DPYD: variants seen among roughly 807,000 people sequenced by gnomAD.
The protein encoded by DPYD is dihydropyrimidine dehydrogenase, also known as dihydropyrimidine dehydrogenase [NADP(+)].
DPYD carries 109 observed loss-of-function variants against 116.2 expected under a neutral mutation model. That is an observed-to-expected ratio of 0.94 (90% CI 0.80 to 1.10). The LOEUF (loss-of-function observed/expected upper bound fraction) is 1.10, where lower values mean the gene tolerates loss of function less well. Ranked by LOEUF, DPYD falls within the 50% of genes least tolerant of loss-of-function variation. The pLI is 0.00. For missense variants in DPYD, 1,302 were observed against 1,254.5 expected (o/e 1.04, Z -0.57); for synonymous variants, 440 against 432.0 (o/e 1.02, Z -0.23).
intron 20 of DPYD, among the ~76,000 whole-genome samples, chr1:97,149,200 A>G (rs1654845984): frequency 6.6e-6 from 1 of 152,222 alleles, no homozygotes; most frequent in African/African-American, 2.4e-5. Flanking sequence ...AGCCCATATT[A>G]CTGGCAATCT....
At position 97,751,460 on chromosome 1, in the gene DPYD, G is replaced by GTGTGTATATATATA. The variant is rs763260651; in HGVS notation, c.234-10982_234-10981insTATATATATACACA. Among the ~76,000 whole-genome samples, 172 of 21,242 alleles carry GTGTGTATATATATA rather than the reference G, an allele frequency of 8.1e-3. 4 individuals carry two copies. The highest frequency in any genetic ancestry group is 9.9e-3 in the South Asian group (3 of 302). The allele number at this position is 21,242 out of a possible 152,430, so 13.9% of individuals were successfully genotyped here. A position where few individuals can be genotyped will look rare whatever the true frequency, so the allele number is the denominator to read the frequency against. ...TGTGTGTGTGTGTGTGTGTGTGTGTGTATATATATATATATATATATATAT... is the reference window on the plus strand; with the variant it reads ...TGTGTGTGTGTGTGTGTGTGTGTGTGTGTGTATATATATATATATATATATATATATATATATAT... On this transcript the variant is annotated intron_variant, in intron 3 of 22. Coordinates refer to ENST00000370192, the MANE Select transcript of DPYD (RefSeq NM_000110.4).
At chr1:97,416,468 C>A (rs1454301977) in intron 14 of DPYD, among the ~76,000 whole-genome samples, 1 of 152,138 alleles carries the variant, frequency 6.6e-6, no homozygotes, top group Non-Finnish European at 1.5e-5. Context: ...AATGTTTGGA[C>A]TTCTCTCATT....
intron 13 of DPYD, among the ~76,000 whole-genome samples, chr1:97,472,950 T>G (rs906686450): frequency 3.9e-5 from 6 of 152,198 alleles, no homozygotes; most frequent in African/African-American, 1.4e-4. Flanking sequence ...AGCCATCACC[T>G]CACATAGTTG....
chr1:97,882,862 C>T (rs1672298499), intron 2 of DPYD, among the ~76,000 whole-genome samples: 1 of 151,938 alleles, frequency 6.6e-6, no homozygotes, highest in Non-Finnish European at 1.5e-5. Context: ...TAGACTATAT[C>T]TTTAACATGA....
chr1:97,740,302 G>A (rs1664188240), intron 4 of DPYD, 90 bp downstream of exon 4: 1 of 1,093,304 alleles, frequency 9.1e-7, no homozygotes, highest in Admixed American at 1.8e-5. Flanking sequence ...AACTGGATTT[G>A]CTAAGACAAG....
In DPYD at chr1:97,828,115, T is replaced by A. The variant is rs776692894; in HGVS notation, c.232A>T (p.Arg78Ter). The part of the protein sequence containing the change: ...GERGALREAM[R>*]CLKCADAPCQ... ...GTTGCTATGGTGACCCAGACTTACC[T>A]CATTGCTTCTCGGAGAGCTCCTCGC... is the stretch of plus-strand genomic sequence containing the variant. The change falls in exon 3 of 23, where the codon AGA becomes TGA. Residue 78 changes from arginine (R) to a stop codon, truncating the protein, a stop_gained and splice_region_variant. Coordinates refer to ENST00000370192, the MANE Select transcript of DPYD (RefSeq NM_000110.4). LOFTEE classifies it high-confidence loss of function. The A allele has an allele frequency of 3.1e-6, 5 of 1,613,620 alleles. No individual in the cohort carries two copies. The highest frequency in any genetic ancestry group is 1.3e-5 in the African/African-American group (1 of 75,028).
At chr1:97,547,794 C>A (rs903970946) in intron 12 of DPYD, among the ~76,000 whole-genome samples, 1 of 152,074 alleles carries the variant, frequency 6.6e-6, no homozygotes, top group Non-Finnish European at 1.5e-5. Context: ...AATCCTCCCA[C>A]CTCAGTCTCC....
intron 3 of DPYD, among the ~76,000 whole-genome samples, chr1:97,822,418 TAC>T (rs1207751872): frequency 6.7e-6 from 1 of 148,412 alleles, no homozygotes; most frequent in Non-Finnish European, 1.5e-5. Flanking sequence ...ATGTAATATA[TAC>T]ATTTATATAT....
At chr1:97,803,333 T>C (rs919479397) in intron 3 of DPYD, among the ~76,000 whole-genome samples, 5 of 151,950 alleles carry the variant, frequency 3.3e-5, no homozygotes, top group Admixed American at 2.6e-4. Context: ...TTCTTTATAA[T>C]ATATCACTAA....
chr1:97,903,268 G>T (rs760999303), intron 1 of DPYD, among the ~76,000 whole-genome samples: 2 of 151,740 alleles, frequency 1.3e-5, no homozygotes, highest in Middle Eastern at 3.2e-3. Context: ...AAATAGCTCC[G>T]ATTTCTTTTG....
intron 13 of DPYD, among the ~76,000 whole-genome samples, chr1:97,479,044 G>C (rs567967578): frequency 6.6e-6 from 1 of 152,316 alleles, no homozygotes; most frequent in Admixed American, 6.5e-5. Flanking sequence ...AGAGAGTGTT[G>C]TGCTGATTTG....
intron 19 of DPYD, among the ~76,000 whole-genome samples, chr1:97,212,954 A>G (rs545896388): frequency 1.4e-4 from 22 of 152,278 alleles, no homozygotes; most frequent in Non-Finnish European, 2.2e-4. Context: ...TAGCTTCAAT[A>G]ACAAACATTC....
Position 97,399,189 on chromosome 1 carries a change from T to C in DPYD, c.1906-16728A>G, listed in dbSNP as rs1227017062. 4.6e-5 allele frequency among the ~76,000 whole-genome samples: 7 copies of C among 152,220 alleles called. No individual in the cohort carries two copies. In the East Asian group the frequency reaches 9.6e-4, roughly 21 times the overall value. On this transcript the variant is annotated intron_variant, in intron 14 of 22. Coordinates refer to ENST00000370192, the MANE Select transcript of DPYD (RefSeq NM_000110.4). ...TGGCTAGCCAGTTTTCCCAGCACCA[T>C]GTATTAAATAGGGAATCCTTTCCCC...
intron 18 of DPYD, among the ~76,000 whole-genome samples, chr1:97,260,608 A>G (rs1393176111): frequency 6.6e-6 from 1 of 152,176 alleles, no homozygotes; most frequent in East Asian, 1.9e-4. Context: ...TCAGTAATTT[A>G]TGAAATAGTT....
At chr1:97,838,670 C>T (rs1669892640) in intron 2 of DPYD, among the ~76,000 whole-genome samples, 1 of 151,444 alleles carries the variant, frequency 6.6e-6, no homozygotes, top group African/African-American at 2.4e-5. Context: ...AAGGTGAAAC[C>T]CCGTCTCTAC....
At chr1:97,555,924 C>G (rs972051688) in intron 11 of DPYD, among the ~76,000 whole-genome samples, 2 of 152,144 alleles carry the variant, frequency 1.3e-5, no homozygotes, top group Non-Finnish European at 2.9e-5. Context: ...TACAGTAGTA[C>G]CTCCCAATTT....
chr1:97,412,680 T>C (rs1217587058), intron 14 of DPYD, among the ~76,000 whole-genome samples: 2 of 152,208 alleles, frequency 1.3e-5, no homozygotes. Flanking sequence ...GGTCATTAAA[T>C]GCATCCTGTT....
intron 20 of DPYD, among the ~76,000 whole-genome samples, chr1:97,131,869 C>CT (rs147176023): frequency 0.022 from 3,330 of 152,124 alleles, 61 homozygotes; most frequent in African/African-American, 0.052. Context: ...CTAGGGTTAC[C>CT]TTTTTTTGTA....
At chr1:97,574,378 G>T (rs1167236824) in intron 10 of DPYD, among the ~76,000 whole-genome samples, 2 of 152,008 alleles carry the variant, frequency 1.3e-5, no homozygotes, top group East Asian at 3.9e-4. Context: ...ATACATCCAA[G>T]CTGGAAAAAA....
Sources: gnomAD v4.1 joint callset for allele counts (sites outside exome capture counted in the v4.1 genomes callset) on GRCh38, gnomAD v4.1.1 for gene constraint, MANE v1.5 for transcripts, NCBI Gene and HGNC (gene_info 2026-07-23, HGNC 2026-07-21) for gene names.